The following OPRD1 variants were observed in gnomAD, a reference collection of about 807,000 sequenced individuals.
OPRD1 encodes the protein opioid receptor delta 1, also known as delta-type opioid receptor.
OPRD1 carries 19 observed loss-of-function variants against 17.5 expected under a neutral mutation model. The observed-to-expected ratio is 1.09, with a 90% CI of 0.76 to 1.60. The LOEUF (loss-of-function observed/expected upper bound fraction) is 1.60, where lower values mean the gene tolerates loss of function less well. Ranked by LOEUF, OPRD1 falls within the 40% of genes most tolerant of loss-of-function variation. OPRD1 has a pLI of 0.00. For synonymous variants in OPRD1, 256 were observed against 240.9 expected (o/e 1.06, Z -0.58); for missense variants, 483 against 547.2 (o/e 0.88, Z 1.17).
At chr1:28,816,876 C>T (rs564749814) in intron 1 of OPRD1, among the ~76,000 whole-genome samples, 87 of 152,282 alleles carry the variant, frequency 5.7e-4, no homozygotes, top group African/African-American at 2.1e-3. Flanking sequence ...GCAGGCCCCT[C>T]ACCTGTGGCA....
intron 1 of OPRD1, among the ~76,000 whole-genome samples, chr1:28,813,223 GGCAGAGCATCCGGAGT>G: frequency 6.6e-6 from 1 of 152,300 alleles, no homozygotes; most frequent in South Asian, 2.1e-4. Flanking sequence ...CCCCGAGGGC[GGCAGAGCATCCGGAGT>G]GGCCGTCGTC....
intron 1 of OPRD1, among the ~76,000 whole-genome samples, chr1:28,841,557 G>T: frequency 6.6e-6 from 1 of 152,154 alleles, no homozygotes; most frequent in East Asian, 1.9e-4. Flanking sequence ...ACTGCTTTTG[G>T]CATAGTGCTT....
chr1:28,824,107 A>G (rs1164568209), intron 1 of OPRD1, among the ~76,000 whole-genome samples: 1 of 144,358 alleles, frequency 6.9e-6, no homozygotes, highest in Non-Finnish European at 1.5e-5. Flanking sequence ...TGAGCCTGGG[A>G]GGCGGAGGTT....
chr1:28,833,297 G>A (rs562330271), intron 1 of OPRD1, among the ~76,000 whole-genome samples: 19 of 152,338 alleles, frequency 1.2e-4, no homozygotes, highest in African/African-American at 2.9e-4. Flanking sequence ...AGGAGACTGC[G>A]TGGCTCTGTG....
chr1:28,827,240 G>A (rs1382170998), intron 1 of OPRD1, among the ~76,000 whole-genome samples: 1 of 152,226 alleles, frequency 6.6e-6, no homozygotes, highest in Non-Finnish European at 1.5e-5. Flanking sequence ...AGGTTGTGGT[G>A]AGCTGAGATT....
At chr1:28,850,346 G>A (rs1204774467) in intron 1 of OPRD1, among the ~76,000 whole-genome samples, 1 of 151,658 alleles carries the variant, frequency 6.6e-6, no homozygotes, top group Admixed American at 6.6e-5. Flanking sequence ...TTTTTGAGAC[G>A]GAGTTTCACT....
intron 1 of OPRD1, among the ~76,000 whole-genome samples, chr1:28,850,583 C>T (rs907750873): frequency 3.3e-5 from 5 of 151,598 alleles, no homozygotes; most frequent in Admixed American, 6.6e-5. Context: ...TCAGCCTCCC[C>T]AAGTGCTGGG....
chr1:28,822,948 C>G (rs1016662520), intron 1 of OPRD1, among the ~76,000 whole-genome samples: 1 of 152,092 alleles, frequency 6.6e-6, no homozygotes, highest in African/African-American at 2.4e-5. Flanking sequence ...CACGGAATGT[C>G]ATAACATGCA....
At position 28,812,475 on chromosome 1, in the gene OPRD1, G is replaced by T. The variant is rs2124252578; in HGVS notation, c.92G>T (p.Gly31Val). 1 of 1,538,816 alleles carries T rather than the reference G, an allele frequency of 6.5e-7. No individual in the cohort carries two copies. ...TACCCTAGCGCCTGCCCCAGCGCTG[G>T]CGCCAATGCGTCGGGGCCGCCAGGC... ...DAYPSACPSA[G>V]ANASGPPGAR... Residue 31 changes from glycine to valine, a missense_variant, in exon 1 of 3, where the codon GGC becomes GTC. Gly to Val is a moderately radical substitution (Grantham distance 109). Coordinates refer to ENST00000234961, the MANE Select transcript of OPRD1 (RefSeq NM_000911.4).
intron 1 of OPRD1, among the ~76,000 whole-genome samples, chr1:28,815,631 G>A (rs1267920040): frequency 1.3e-5 from 2 of 152,210 alleles, no homozygotes; most frequent in South Asian, 2.1e-4. Context: ...TGGGGAGAGC[G>A]CAGCCCGGGC....
At chr1:28,844,611 C>T (rs529418324) in intron 1 of OPRD1, among the ~76,000 whole-genome samples, 13 of 152,162 alleles carry the variant, frequency 8.5e-5, no homozygotes, top group African/African-American at 2.9e-4. Flanking sequence ...TTTTAATTAA[C>T]TTATTTGCTT....
At chr1:28,816,014 G>A (rs1337807217) in intron 1 of OPRD1, among the ~76,000 whole-genome samples, 1 of 152,188 alleles carries the variant, frequency 6.6e-6, no homozygotes, top group Non-Finnish European at 1.5e-5. Flanking sequence ...CGCCTCCAGG[G>A]TGGGGGTGAG....
At chr1:28,856,944 A>G (rs975330812) in intron 1 of OPRD1, among the ~76,000 whole-genome samples, 2 of 152,096 alleles carry the variant, frequency 1.3e-5, no homozygotes, top group African/African-American at 4.8e-5. Context: ...GTCCAGTTGC[A>G]TGGGGATGAA....
At chr1:28,826,381 G>A (rs1278657858) in intron 1 of OPRD1, among the ~76,000 whole-genome samples, 2 of 151,978 alleles carry the variant, frequency 1.3e-5, no homozygotes, top group South Asian at 2.1e-4. Context: ...AAAATTAGCC[G>A]GGTGTGGTGA....
intron 1 of OPRD1, among the ~76,000 whole-genome samples, chr1:28,838,192 C>T (rs1172395581): frequency 6.6e-6 from 1 of 152,146 alleles, no homozygotes. Flanking sequence ...ATTCATGGAC[C>T]TACCCTATGC....
At chr1:28,838,959 G>A (rs908049454) in intron 1 of OPRD1, among the ~76,000 whole-genome samples, 1 of 152,048 alleles carries the variant, frequency 6.6e-6, no homozygotes, top group Non-Finnish European at 1.5e-5. Flanking sequence ...GAAGTGCAAT[G>A]GCTATTCACA....
chr1:28,843,983 C>T (rs6697423), intron 1 of OPRD1, among the ~76,000 whole-genome samples: 8,572 of 152,158 alleles, frequency 0.056, 260 homozygotes, highest in South Asian at 0.092. Flanking sequence ...CTCTTCAAAA[C>T]CCTGCTTTTA....
intron 1 of OPRD1, among the ~76,000 whole-genome samples, chr1:28,821,761 C>A (rs188998872): frequency 1.1e-4 from 16 of 151,842 alleles, no homozygotes; most frequent in African/African-American, 3.4e-4. Flanking sequence ...TGCTGCTGCC[C>A]GGGCATGGTG....
chr1:28,859,439 A>C, intron 2 of OPRD1, 136 bp downstream of exon 2: 1 of 735,236 alleles, frequency 1.4e-6, no homozygotes, highest in Non-Finnish European at 2.2e-6. Flanking sequence ...ATCAAGATCA[A>C]TGATGGTGTG....
Sources: gnomAD v4.1 joint callset for allele counts (sites outside exome capture counted in the v4.1 genomes callset) on GRCh38, gnomAD v4.1.1 for gene constraint, MANE v1.5 for transcripts, NCBI Gene and HGNC (gene_info 2026-07-23, HGNC 2026-07-21) for gene names.